The following PSTPIP2 variants were observed in gnomAD, a reference collection of about 807,000 sequenced individuals.
PSTPIP2 encodes the protein proline-serine-threonine phosphatase interacting protein 2.
Under a neutral mutation model 63.3 loss-of-function variants are expected in PSTPIP2, and 33 were observed. That is an observed-to-expected ratio of 0.52 (90% CI 0.40 to 0.70). The LOEUF (loss-of-function observed/expected upper bound fraction) is 0.70. Ranked by LOEUF, PSTPIP2 falls within the 30% of genes least tolerant of loss-of-function variation. The probability of loss-of-function intolerance (pLI) is 0.00; values close to 1 mark genes in which losing one functional copy is unlikely to be tolerated. For missense variants in PSTPIP2, 312 were observed against 400.7 expected (o/e 0.78, Z 1.89); for synonymous variants, 125 against 132.7 (o/e 0.94, Z 0.40).
intron 1 of PSTPIP2, among the ~76,000 whole-genome samples, chr18:46,057,826 T>G (rs1402772366): frequency 6.6e-6 from 1 of 151,334 alleles, no homozygotes; most frequent in East Asian, 2.0e-4. Flanking sequence ...TGAAACCCCG[T>G]CTCTACTAAA....
At chr18:46,047,315 C>T (rs1012465184) in intron 1 of PSTPIP2, among the ~76,000 whole-genome samples, 1 of 152,066 alleles carries the variant, frequency 6.6e-6, no homozygotes, top group African/African-American at 2.4e-5. Flanking sequence ...TGGCTCATAC[C>T]TGTAATCTCA....
chr18:46,055,814 T>C (rs12961167), intron 1 of PSTPIP2, among the ~76,000 whole-genome samples: 63,373 of 152,122 alleles, frequency 0.42, 14,301 homozygotes, highest in Middle Eastern at 0.55. Context: ...TTATTAGTAG[T>C]AAAGTATAAA....
intron 5 of PSTPIP2, among the ~76,000 whole-genome samples, chr18:46,009,195 C>T (rs1300218189): frequency 6.6e-6 from 1 of 152,022 alleles, no homozygotes; most frequent in African/African-American, 2.4e-5. Context: ...GCCAGCCCTT[C>T]CAGGACCTGC....
intron 4 of PSTPIP2, 32 bp downstream of exon 4, chr18:46,015,871 T>A (rs2051847366): frequency 3.2e-6 from 5 of 1,586,172 alleles, no homozygotes; most frequent in African/African-American, 1.6e-5. Flanking sequence ...TCAAGGGCAG[T>A]GAATACATTT....
intron 1 of PSTPIP2, among the ~76,000 whole-genome samples, chr18:46,063,971 G>GT (rs1189870806): frequency 6.6e-6 from 1 of 152,172 alleles, no homozygotes; most frequent in Non-Finnish European, 1.5e-5. Flanking sequence ...TTAGTTAATG[G>GT]TTTTTTCAGT....
Position 45,990,752 on chromosome 18 carries a change from C to T in PSTPIP2, c.925G>A (p.Gly309Arg), listed in dbSNP as rs769993373. The T allele has an allele frequency of 6.2e-7, 1 of 1,603,690 alleles. No homozygotes were observed. The highest frequency in any genetic ancestry group is 1.1e-5 in the South Asian group (1 of 90,444). ...GAGCTTTTAGGAATTGGGAGGGGTC[C>T]TCTCCTGTAAGAAATGAAAACCAAA... Reference protein sequence around the residue: ...KATGPNLARRGPLPIPKSSPD... With the variant: ...KATGPNLARRRPLPIPKSSPD... Residue 309 changes from glycine to arginine, a missense_variant, in exon 13 of 15, where the codon GGA (glycine) becomes AGA (arginine). Physicochemically the swap from Gly to Arg is moderately radical, Grantham distance 125 (BLOSUM62 -2). Coordinates refer to ENST00000409746, the MANE Select transcript of PSTPIP2 (RefSeq NM_024430.4).
chr18:46,018,634 G>T (rs1445711867), intron 3 of PSTPIP2, among the ~76,000 whole-genome samples: 2 of 152,106 alleles, frequency 1.3e-5, no homozygotes, highest in Non-Finnish European at 2.9e-5. Flanking sequence ...CTCCCAAAGT[G>T]CTGGGATTTC....
At chr18:46,010,851 T>A (rs1196524533) in intron 5 of PSTPIP2, 3 of 216,734 alleles carry the variant, frequency 1.4e-5, no homozygotes, top group Non-Finnish European at 2.8e-5. Flanking sequence ...AGTGTGGTTT[T>A]GGGAGCCGTC....
intron 1 of PSTPIP2, among the ~76,000 whole-genome samples, chr18:46,056,204 G>T (rs1811568384): frequency 6.6e-6 from 1 of 152,166 alleles, no homozygotes; most frequent in African/African-American, 2.4e-5. Flanking sequence ...GCTGGTCTGG[G>T]AGTCTGTAGG....
Position 45,985,406 on chromosome 18 carries a change from C to T in PSTPIP2, c.*53G>A. 6.2e-7 allele frequency: 1 copy of T among 1,612,060 alleles called. No individual in the cohort carries two copies. The highest frequency in any genetic ancestry group is 8.5e-7 in the Non-Finnish European group (1 of 1,178,892). Reference sequence around the variant, plus strand: ...GCTATAGGTCCTGCTGCTCTGGGTGCCCTTTCCATATCACAGAAGCACTAG... The same window carrying T: ...GCTATAGGTCCTGCTGCTCTGGGTGTCCTTTCCATATCACAGAAGCACTAG... On this transcript the variant is annotated 3_prime_UTR_variant, in exon 15 of 15. Transcript: ENST00000409746.
intron 1 of PSTPIP2, chr18:46,040,915 G>A: frequency 2.3e-6 from 1 of 428,200 alleles, no homozygotes; most frequent in Non-Finnish European, 4.7e-6. Flanking sequence ...GAAGGAGCTG[G>A]GCGCCCACTC....
chr18:46,009,406 G>A (rs1040054940), intron 5 of PSTPIP2, among the ~76,000 whole-genome samples: 1 of 141,528 alleles, frequency 7.1e-6, no homozygotes, highest in Non-Finnish European at 1.5e-5. Context: ...GCTAAATACG[G>A]AAGTGGTAAA....
rs145518279 is a variant in PSTPIP2 at position 45,984,648 on chromosome 18, A to G, written c.*811T>C. The G allele has an allele frequency of 1.3e-3, 202 of 152,328 alleles. No individual in the cohort carries two copies. Among genetic ancestry groups the G allele is most frequent in the African/African-American group, 4.4e-3 (184 of 41,564 alleles). 9.4% of individuals were successfully genotyped at this position (152,328 alleles called of 1,614,324 possible). On this transcript the variant is annotated 3_prime_UTR_variant, in exon 15 of 15. Coordinates refer to ENST00000409746, the MANE Select transcript of PSTPIP2 (RefSeq NM_024430.4). ...CTCGACCCCACCTTCTTAGTGCAAC[A>G]TAAAATAATGGCATGTTTTACAATC...
intron 2 of PSTPIP2, chr18:46,029,028 A>G (rs1438479994): frequency 1.2e-5 from 10 of 810,256 alleles, no homozygotes; most frequent in African/African-American, 3.4e-5. Context: ...TAGATAACCT[A>G]TATCACTATT....
At chr18:46,057,371 A>G (rs1260158798) in intron 1 of PSTPIP2, among the ~76,000 whole-genome samples, 1 of 151,028 alleles carries the variant, frequency 6.6e-6, no homozygotes, top group Non-Finnish European at 1.5e-5. Flanking sequence ...GTCGTCACCC[A>G]GGCTGGAGTA....
intron 9 of PSTPIP2, among the ~76,000 whole-genome samples, chr18:45,994,133 G>T (rs773837187): frequency 1.5e-4 from 23 of 152,062 alleles, no homozygotes; most frequent in Non-Finnish European, 2.4e-4. Context: ...ATGGGAGGCC[G>T]TGTACTTGTC....
chr18:45,988,048 A>C (rs1402443192), intron 14 of PSTPIP2, among the ~76,000 whole-genome samples: 1 of 152,184 alleles, frequency 6.6e-6, no homozygotes, highest in Admixed American at 6.5e-5. Context: ...TAAAATCTAA[A>C]TTACTTTAAC....
chr18:45,999,351 T>A lies in PSTPIP2; in HGVS notation c.516+85A>T, dbSNP rs571335560. 2.0e-5 allele frequency: 25 copies of A among 1,279,752 alleles called. No homozygotes were observed. In the African/African-American group the frequency reaches 3.5e-4, roughly 18 times the overall value. The allele number at this position is 1,279,752 out of a possible 1,614,324, so 79.3% of individuals were successfully genotyped here. ...TATTTCCAGGGGTTTAGGATACAGG[T>A]TCATTTCTTATGAAGATTCATAATT... On this transcript the variant is annotated intron_variant, in intron 7 of 14. Coordinates refer to ENST00000409746, the MANE Select transcript of PSTPIP2 (RefSeq NM_024430.4).
At chr18:46,025,325 T>C (rs1907537520) in intron 2 of PSTPIP2, among the ~76,000 whole-genome samples, 1 of 152,058 alleles carries the variant, frequency 6.6e-6, no homozygotes, top group African/African-American at 2.4e-5. Context: ...AATAAATGAA[T>C]ATATCCTCAC....
Sources: gnomAD v4.1 joint callset for allele counts (sites outside exome capture counted in the v4.1 genomes callset) on GRCh38, gnomAD v4.1.1 for gene constraint, MANE v1.5 for transcripts, NCBI Gene and HGNC (gene_info 2026-07-23, HGNC 2026-07-21) for gene names.